MAST4: variants seen among roughly 807,000 people sequenced by gnomAD.
The protein encoded by MAST4 is microtubule associated serine/threonine kinase family member 4, also known as microtubule-associated serine/threonine-protein kinase 4.
A neutral mutation model predicts 162.7 loss-of-function variants in MAST4; 89 were observed. The ratio of observed to expected loss-of-function variants is 0.55; its 90% CI spans 0.46 to 0.65. MAST4 has a LOEUF of 0.65. Ranked by LOEUF, MAST4 falls within the 30% of genes least tolerant of loss-of-function variation. MAST4 has a pLI of 0.00. For synonymous variants in MAST4, 1,479 were observed against 1,361.1 expected (o/e 1.09, Z -1.91); for missense variants, 3,153 against 3,374.0 (o/e 0.93, Z 1.62).
intron 12 of MAST4, among the ~76,000 whole-genome samples, chr5:67,116,067 A>G (rs1766869879): frequency 6.6e-6 from 1 of 152,172 alleles, no homozygotes; most frequent in Non-Finnish European, 1.5e-5. Flanking sequence ...CCATGTATAA[A>G]CTAGCTTTCT....
At chr5:66,707,503 G>A (rs764688597) in intron 1 of MAST4, among the ~76,000 whole-genome samples, 6 of 152,160 alleles carry the variant, frequency 3.9e-5, no homozygotes, top group East Asian at 1.9e-4. Context: ...ATCAAGGTGC[G>A]AGCAGGGTTG....
intron 26 of MAST4, among the ~76,000 whole-genome samples, chr5:67,157,435 C>T (rs1262685703): frequency 2.0e-5 from 3 of 152,164 alleles, no homozygotes; most frequent in Non-Finnish European, 4.4e-5. Flanking sequence ...CATTTAAGCC[C>T]TGGTCTTCAC....
intron 1 of MAST4, among the ~76,000 whole-genome samples, chr5:66,693,344 G>A (rs1047983675): frequency 1.3e-5 from 2 of 152,160 alleles, no homozygotes; most frequent in Admixed American, 6.5e-5. Flanking sequence ...AAGTGTGGAA[G>A]TTTTATAGGT....
chr5:66,958,509 C>T (rs769973137), intron 4 of MAST4, among the ~76,000 whole-genome samples: 27 of 152,248 alleles, frequency 1.8e-4, no homozygotes, highest in African/African-American at 2.9e-4. Flanking sequence ...ATGAGCTTTT[C>T]GAAAATAAAA....
At chr5:66,912,684 CTTAA>C (rs1249854217) in intron 4 of MAST4, among the ~76,000 whole-genome samples, 2 of 149,734 alleles carry the variant, frequency 1.3e-5, no homozygotes, top group Admixed American at 6.9e-5. Flanking sequence ...AAGCATATTA[CTTAA>C]TTATTATCTT....
intron 1 of MAST4, among the ~76,000 whole-genome samples, chr5:66,700,692 C>CA (rs952646013): frequency 6.1e-5 from 9 of 147,344 alleles, no homozygotes; most frequent in East Asian, 4.1e-4. Flanking sequence ...ATCTCTCAAA[C>CA]AAAAAAAACA....
chr5:66,776,788 C>G (rs1754623938), intron 2 of MAST4, among the ~76,000 whole-genome samples: 2 of 152,102 alleles, frequency 1.3e-5, no homozygotes, highest in African/African-American at 4.8e-5. Flanking sequence ...AGATGAGATG[C>G]AGAAGTTACA....
intron 4 of MAST4, among the ~76,000 whole-genome samples, chr5:67,029,276 C>T (rs1178764988): frequency 6.6e-6 from 1 of 152,126 alleles, no homozygotes; most frequent in Non-Finnish European, 1.5e-5. Flanking sequence ...CCTCTGCATT[C>T]CCAAGAGAAA....
rs955284777 is a variant in MAST4 at position 66,632,866 on chromosome 5, CAT to C, written c.363+35852_363+35853del. On this transcript the variant is annotated intron_variant, in intron 1 of 28. Transcript: ENST00000403625. ...TACATATTTGTATAGATAAAACAGA[CAT>C]ATAAATAGAATGATAAATCTAAAAT... 6.6e-5 allele frequency among the ~76,000 whole-genome samples: 10 copies of C among 152,130 alleles called. No homozygotes were observed. In the South Asian group the frequency reaches 1.2e-3, roughly 19 times the overall value.
chr5:66,794,953 A>ACTAAATGTAAATTTT (rs1324891778), intron 3 of MAST4, among the ~76,000 whole-genome samples: 1 of 152,232 alleles, frequency 6.6e-6, no homozygotes, highest in Admixed American at 6.5e-5. Flanking sequence ...GGGAAAATTT[A>ACTAAATGTAAATTTT]CTAAATGTAT....
chr5:67,023,806 T>C (rs1754282219), intron 4 of MAST4, among the ~76,000 whole-genome samples: 1 of 151,984 alleles, frequency 6.6e-6, no homozygotes, highest in Admixed American at 6.6e-5. Context: ...CTCCTTAGCT[T>C]ATTCATATTC....
chr5:66,894,955 G>A (rs1211761212), intron 3 of MAST4, among the ~76,000 whole-genome samples: 2 of 152,122 alleles, frequency 1.3e-5, no homozygotes, highest in Non-Finnish European at 2.9e-5. Context: ...CCTGTGAGGA[G>A]AGATGAAGTG....
intron 1 of MAST4, among the ~76,000 whole-genome samples, chr5:66,621,773 C>A (rs1333266945): frequency 2.0e-5 from 3 of 152,092 alleles, no homozygotes; most frequent in Admixed American, 6.6e-5. Flanking sequence ...AGCAAAAGTC[C>A]CTGGTCTCAT....
chr5:67,012,525 T>C (rs1010060053), intron 4 of MAST4, among the ~76,000 whole-genome samples: 1 of 152,204 alleles, frequency 6.6e-6, no homozygotes, highest in Non-Finnish European at 1.5e-5. Context: ...TTTTGAAACT[T>C]ACATAGTAGA....
intron 1 of MAST4, among the ~76,000 whole-genome samples, chr5:66,738,539 G>T (rs1278394378): frequency 6.6e-6 from 1 of 152,184 alleles, no homozygotes; most frequent in Admixed American, 6.5e-5. Context: ...TGAAACTTAT[G>T]TTCTAATGGG....
chr5:66,907,640 T>A (rs1763473643), intron 4 of MAST4, among the ~76,000 whole-genome samples: 1 of 145,692 alleles, frequency 6.9e-6, no homozygotes, highest in African/African-American at 2.6e-5. Flanking sequence ...GTGTGTGTAT[T>A]TTTTAAAAAG....
chr5:67,064,449 G>T (rs958957071), intron 5 of MAST4, among the ~76,000 whole-genome samples: 16 of 152,294 alleles, frequency 1.1e-4, no homozygotes, highest in Admixed American at 1.0e-3. Flanking sequence ...GACCAAAAAT[G>T]CAGCATGTGC....
intron 4 of MAST4, among the ~76,000 whole-genome samples, chr5:67,035,005 T>A (rs1191696943): frequency 2.6e-5 from 4 of 152,178 alleles, no homozygotes; most frequent in Admixed American, 1.3e-4. Flanking sequence ...CTGCATTCAC[T>A]TTCAAATCTC....
intron 3 of MAST4, among the ~76,000 whole-genome samples, chr5:66,870,228 G>T (rs530718629): frequency 1.3e-5 from 2 of 152,182 alleles, no homozygotes; most frequent in Non-Finnish European, 2.9e-5. Context: ...GCATTTAGGG[G>T]CATAGTTTTT....
Sources: gnomAD v4.1 joint callset for allele counts (sites outside exome capture counted in the v4.1 genomes callset) on GRCh38, gnomAD v4.1.1 for gene constraint, MANE v1.5 for transcripts, NCBI Gene and HGNC (gene_info 2026-07-23, HGNC 2026-07-21) for gene names.